Variants in ARB2A observed in about 807,000 individuals in gnomAD.
ARB2A encodes the protein ARB2 cotranscriptional regulator A.
chr5:93,855,901 A>G, the ARB2A span, among the ~76,000 whole-genome samples: 1 of 152,024 alleles, frequency 6.6e-6, no homozygotes, highest in Non-Finnish European at 1.5e-5. Context: ...TCTAAAAAGC[A>G]GAGCACCTCT....
At chr5:93,777,091 G>C in the ARB2A span, among the ~76,000 whole-genome samples, 3 of 147,914 alleles carry the variant, frequency 2.0e-5, no homozygotes, top group African/African-American at 7.5e-5. Context: ...TTTAATGAAG[G>C]CTGTATCAAA....
chr5:93,712,046 C>T, the ARB2A span, among the ~76,000 whole-genome samples: 5 of 152,222 alleles, frequency 3.3e-5, no homozygotes, highest in Admixed American at 6.5e-5. Flanking sequence ...AGTGCTGGGA[C>T]GGAAGTCCCA....
the ARB2A span, chr5:93,619,546 C>T: frequency 7.9e-5 from 12 of 152,156 alleles, no homozygotes; most frequent in Non-Finnish European, 1.0e-4. Context: ...TACATTTTAT[C>T]ATGTCCTCAA....
At chr5:93,664,117 C>T in the ARB2A span, among the ~76,000 whole-genome samples, 3 of 150,024 alleles carry the variant, frequency 2.0e-5, no homozygotes, top group East Asian at 6.0e-4. Context: ...GTCACCCAGG[C>T]TGGGCGGGGG....
the ARB2A span, among the ~76,000 whole-genome samples, chr5:93,813,850 T>C: frequency 3.9e-5 from 6 of 152,192 alleles, no homozygotes; most frequent in Non-Finnish European, 8.8e-5. Context: ...CAAACTAATT[T>C]CTAGAGGGTA....
chr5:93,867,881 T>C, the ARB2A span, among the ~76,000 whole-genome samples: 1 of 152,170 alleles, frequency 6.6e-6, no homozygotes. Flanking sequence ...TTTCTTCTCA[T>C]ATTAAATTAA....
chr5:93,893,115 T>C, the ARB2A span, among the ~76,000 whole-genome samples: 12 of 152,226 alleles, frequency 7.9e-5, no homozygotes, highest in African/African-American at 2.6e-4. Context: ...AAAAATGCCA[T>C]AAAACCTAAT....
chr5:93,845,890 G>C, the ARB2A span, among the ~76,000 whole-genome samples: 6 of 152,042 alleles, frequency 3.9e-5, no homozygotes, highest in African/African-American at 1.2e-4. Flanking sequence ...TATAATTATA[G>C]CTGTAGAGGA....
the ARB2A span, among the ~76,000 whole-genome samples, chr5:93,968,720 G>A: frequency 6.6e-6 from 1 of 152,010 alleles, no homozygotes; most frequent in African/African-American, 2.4e-5. Flanking sequence ...AGTGCAGACA[G>A]CATCAAGCTG....
At chr5:93,868,809 A>T in the ARB2A span, among the ~76,000 whole-genome samples, 1 of 152,210 alleles carries the variant, frequency 6.6e-6, no homozygotes, top group Non-Finnish European at 1.5e-5. Context: ...CTTAGAATAA[A>T]CTACTGTATA....
At chr5:93,727,021 T>C in the ARB2A span, among the ~76,000 whole-genome samples, 1 of 151,806 alleles carries the variant, frequency 6.6e-6, no homozygotes, top group East Asian at 1.9e-4. Context: ...GAAGGAGGGG[T>C]AGTGGGAGAG....
chr5:93,851,613 C>T, the ARB2A span, among the ~76,000 whole-genome samples: 2 of 152,134 alleles, frequency 1.3e-5, no homozygotes, highest in East Asian at 1.9e-4. Context: ...CTTCCGCCAC[C>T]CCACAACAGT....
chr5:93,741,582 A>G, the ARB2A span: 1 of 1,501,228 alleles, frequency 6.7e-7, no homozygotes, highest in Non-Finnish European at 8.9e-7. Flanking sequence ...TGGCACCCGC[A>G]GCGGCTCTGG....
chr5:93,792,633 T>C, the ARB2A span, among the ~76,000 whole-genome samples: 1 of 136,076 alleles, frequency 7.3e-6, no homozygotes, highest in African/African-American at 2.8e-5. Flanking sequence ...TTCTCACTCA[T>C]AGATGGGAAT....
At chr5:93,828,270 AGCAGTGGTTTGCAGTT>A in the ARB2A span, among the ~76,000 whole-genome samples, 1 of 152,090 alleles carries the variant, frequency 6.6e-6, no homozygotes, top group Non-Finnish European at 1.5e-5. Context: ...CATTTCATTG[AGCAGTGGTTTGCAGTT>A]CTCCTTGAAG....
At chr5:93,886,362 T>C in the ARB2A span, among the ~76,000 whole-genome samples, 4 of 151,740 alleles carry the variant, frequency 2.6e-5, no homozygotes, top group East Asian at 5.8e-4. Context: ...GGCAAGGCTC[T>C]GTAAGAGATC....
At chr5:94,049,750 G>A in the ARB2A span, among the ~76,000 whole-genome samples, 5 of 152,150 alleles carry the variant, frequency 3.3e-5, no homozygotes, top group South Asian at 1.0e-3. Flanking sequence ...GAACCAGGCA[G>A]GTGCAAGTTG....
the ARB2A span, among the ~76,000 whole-genome samples, chr5:94,063,117 C>T: frequency 3.3e-5 from 5 of 152,118 alleles, no homozygotes; most frequent in East Asian, 7.8e-4. Flanking sequence ...AGAAATAACC[C>T]CACCCCCGCC....
the ARB2A span, among the ~76,000 whole-genome samples, chr5:93,846,048 C>A: frequency 6.6e-6 from 1 of 151,244 alleles, no homozygotes; most frequent in African/African-American, 2.4e-5. Flanking sequence ...ATCACACAAC[C>A]AGACAGTGCT....
Sources: gnomAD v4.1 joint callset for allele counts (sites outside exome capture counted in the v4.1 genomes callset) on GRCh38, gnomAD v4.1.1 for gene constraint, MANE v1.5 for transcripts, NCBI Gene and HGNC (gene_info 2026-07-23, HGNC 2026-07-21) for gene names.